The following PLCB1 variants were observed in gnomAD, a reference collection of about 807,000 sequenced individuals.
PLCB1 encodes 1-phosphatidylinositol 4,5-bisphosphate phosphodiesterase beta-1.
A neutral mutation model predicts 161.8 loss-of-function variants in PLCB1; 46 were observed. That is an observed-to-expected ratio of 0.28 (90% confidence interval 0.22 to 0.36). The LOEUF is 0.36. PLCB1 is among the 10% of genes least tolerant of loss of function. The pLI is 1.00. For synonymous variants in PLCB1, 517 were observed against 503.7 expected (o/e 1.03, Z -0.35); for missense variants, 1,016 against 1,472.5 (o/e 0.69, Z 5.07).
chr20:8,356,864 A>C (rs1399514776), intron 2 of PLCB1, among the ~76,000 whole-genome samples: 1 of 152,238 alleles, frequency 6.6e-6, no homozygotes, highest in African/African-American at 2.4e-5. Context: ...AAAGATATTA[A>C]GGAAAATAAG....
intron 2 of PLCB1, among the ~76,000 whole-genome samples, chr20:8,260,076 C>T (rs1018125423): frequency 6.6e-6 from 1 of 151,588 alleles, no homozygotes; most frequent in African/African-American, 2.4e-5. Flanking sequence ...TTTTTCTTTT[C>T]ATTTCTTGTT....
Position 8,789,513 on chromosome 20 carries a change from T to C in PLCB1, c.3279-5T>C, listed in dbSNP as rs373849779. Reference sequence around the variant, plus strand: ...TATAATGATGTATTCATCATTTGCTTTTAGGGAGAAGACAGAGATGATCCG... The same window carrying C: ...TATAATGATGTATTCATCATTTGCTCTTAGGGAGAAGACAGAGATGATCCG... On this transcript the variant is annotated splice_polypyrimidine_tract_variant and splice_region_variant and intron_variant, in intron 29 of 31. Coordinates refer to ENST00000338037, the MANE Select transcript of PLCB1 (RefSeq NM_015192.4). 6.6e-5 allele frequency: 106 copies of C among 1,602,564 alleles called. No individual in the cohort carries two copies. The highest frequency in any genetic ancestry group is 8.9e-5 in the Non-Finnish European group (104 of 1,169,652).
intron 3 of PLCB1, among the ~76,000 whole-genome samples, chr20:8,494,240 A>C (rs1463385718): frequency 6.6e-6 from 1 of 152,216 alleles, no homozygotes; most frequent in Non-Finnish European, 1.5e-5. Context: ...ACATTCTGGA[A>C]CATGACTTTC....
Position 8,716,359 on chromosome 20 carries a change from C to G in PLCB1, c.1335+11C>G. On this transcript the variant is annotated intron_variant, in intron 13 of 31. Coordinates refer to ENST00000338037, the MANE Select transcript of PLCB1 (RefSeq NM_015192.4). Reference sequence around the variant, plus strand: ...CTGGAAAAATATCCAGTAAGCAGTTCTGATGTTTGTCCTTGAAGGAATGTA... The same window carrying G: ...CTGGAAAAATATCCAGTAAGCAGTTGTGATGTTTGTCCTTGAAGGAATGTA... 2 of 1,595,364 alleles carry G rather than the reference C, an allele frequency of 1.3e-6. No homozygotes were observed. The highest frequency in any genetic ancestry group is 3.3e-4 in the Middle Eastern group (2 of 6,032).
intron 3 of PLCB1, among the ~76,000 whole-genome samples, chr20:8,431,157 C>G (rs918999659): frequency 6.6e-6 from 1 of 152,016 alleles, no homozygotes; most frequent in Non-Finnish European, 1.5e-5. Context: ...AAGCCTCAAA[C>G]GAAGTGTAAA....
intron 3 of PLCB1, among the ~76,000 whole-genome samples, chr20:8,563,954 C>T (rs1986237764): frequency 6.6e-6 from 1 of 152,172 alleles, no homozygotes; most frequent in Non-Finnish European, 1.5e-5. Context: ...CTATCCCCAT[C>T]AAGCTACCAT....
intron 31 of PLCB1, chr20:8,792,495 TG>T (rs1328728706): frequency 2.6e-5 from 12 of 468,286 alleles, no homozygotes; most frequent in Non-Finnish European, 8.8e-6. Context: ...AACAATTTTT[TG>T]TTTCTTCCTT....
At chr20:8,744,989 C>T (rs1238870057) in intron 23 of PLCB1, among the ~76,000 whole-genome samples, 1 of 152,058 alleles carries the variant, frequency 6.6e-6, no homozygotes, top group Non-Finnish European at 1.5e-5. Context: ...GATCAGAAAG[C>T]ATTTTTAGAA....
At chr20:8,441,456 A>G (rs1323343809) in intron 3 of PLCB1, among the ~76,000 whole-genome samples, 2 of 152,236 alleles carry the variant, frequency 1.3e-5, no homozygotes, top group Non-Finnish European at 2.9e-5. Flanking sequence ...GCAATTTACT[A>G]GTTGCAAAGA....
intron 3 of PLCB1, among the ~76,000 whole-genome samples, chr20:8,566,427 G>A (rs957385728): frequency 4.7e-4 from 72 of 152,240 alleles, no homozygotes; most frequent in African/African-American, 1.7e-3. Context: ...ACAGAGCTGA[G>A]AAATGAAGTG....
At chr20:8,733,683 A>T (rs1334146723) in intron 19 of PLCB1, among the ~76,000 whole-genome samples, 1 of 151,240 alleles carries the variant, frequency 6.6e-6, no homozygotes, top group Non-Finnish European at 1.5e-5. Flanking sequence ...AGATACACCT[A>T]ATGCTAAATG....
intron 2 of PLCB1, among the ~76,000 whole-genome samples, chr20:8,172,826 C>G (rs2051745983): frequency 6.6e-6 from 1 of 152,174 alleles, no homozygotes; most frequent in African/African-American, 2.4e-5. Flanking sequence ...TTTCTGGCAT[C>G]AGGACCAGAG....
At chr20:8,160,953 C>T (rs747467421) in intron 2 of PLCB1, among the ~76,000 whole-genome samples, 35 of 151,928 alleles carry the variant, frequency 2.3e-4, no homozygotes, top group African/African-American at 7.3e-4. Context: ...CTTATTAGGA[C>T]GTTGGTACCT....
chr20:8,426,121 G>T (rs1979759058), intron 3 of PLCB1, among the ~76,000 whole-genome samples: 1 of 152,148 alleles, frequency 6.6e-6, no homozygotes, highest in African/African-American at 2.4e-5. Context: ...CCAGGGACAC[G>T]ATGAAATGTG....
At chr20:8,523,594 G>A (rs1417397176) in intron 3 of PLCB1, among the ~76,000 whole-genome samples, 1 of 148,114 alleles carries the variant, frequency 6.8e-6, no homozygotes, top group African/African-American at 2.5e-5. Flanking sequence ...CTAGCAGTAT[G>A]AGAATTTGAT....
At chr20:8,675,544 CA>C (rs1441027709) in intron 9 of PLCB1, among the ~76,000 whole-genome samples, 2 of 152,158 alleles carry the variant, frequency 1.3e-5, no homozygotes, top group Non-Finnish European at 2.9e-5. Context: ...CCATTACCTA[CA>C]AATACAAGAT....
At chr20:8,358,666 G>T (rs969553760) in intron 2 of PLCB1, among the ~76,000 whole-genome samples, 37 of 152,212 alleles carry the variant, frequency 2.4e-4, no homozygotes, top group Admixed American at 6.5e-4. Context: ...ATAGGAAAAA[G>T]TCCCTCTTAA....
intron 2 of PLCB1, among the ~76,000 whole-genome samples, chr20:8,350,775 A>G (rs947739567): frequency 6.6e-6 from 1 of 152,234 alleles, no homozygotes; most frequent in Non-Finnish European, 1.5e-5. Context: ...AAAATGAAAT[A>G]CTTAGGGGTA....
chr20:8,303,180 A>G lies in PLCB1; in HGVS notation c.178-68202A>G, dbSNP rs1258216945. 1.4e-4 allele frequency among the ~76,000 whole-genome samples: 22 copies of G among 152,338 alleles called. No homozygotes were observed. The East Asian group carries it at 1.7e-3, about 12-fold the overall frequency. ...GAGCAGCTTCTCAGAACATAAGAAG[A>G]GCATCTGGGCTGAAAAAATGTTTCT... is the stretch of plus-strand genomic sequence containing the variant. On this transcript the variant is annotated intron_variant, in intron 2 of 31. Coordinates refer to ENST00000338037, the MANE Select transcript of PLCB1 (RefSeq NM_015192.4).
Sources: allele counts gnomAD v4.1 joint callset (sites outside exome capture counted in the v4.1 genomes callset), GRCh38; gene constraint gnomAD v4.1.1; transcripts MANE v1.5; gene names NCBI Gene and HGNC (gene_info 2026-07-23, HGNC 2026-07-21).